The following SLC18A1 variants were observed in gnomAD, a reference collection of about 807,000 sequenced individuals.
The protein encoded by SLC18A1 is chromaffin granule amine transporter.
SLC18A1 carries 69 observed loss-of-function variants against 53.7 expected under a neutral mutation model. The ratio of observed to expected loss-of-function variants is 1.28; its 90% confidence interval spans 1.06 to 1.57. The LOEUF is 1.57. Ranked by LOEUF, SLC18A1 falls within the 40% of genes most tolerant of loss-of-function variation. The probability of loss-of-function intolerance (pLI) is 0.00; values close to 1 mark genes in which losing one functional copy is unlikely to be tolerated. For synonymous variants in SLC18A1, 320 were observed against 248.1 expected (o/e 1.29, Z -2.72); for missense variants, 932 against 668.1 (o/e 1.40, Z -4.35).
intron 4 of SLC18A1, 40 bp downstream of exon 4, chr8:20,178,395 T>TA: frequency 6.6e-7 from 1 of 1,516,414 alleles, no homozygotes; most frequent in Non-Finnish European, 9.1e-7. Flanking sequence ...AAATCAAAGG[T>TA]AATCAGTGAA....
intron 10 of SLC18A1, among the ~76,000 whole-genome samples, chr8:20,159,196 C>T (rs553515604): frequency 1.3e-5 from 2 of 152,264 alleles, no homozygotes; most frequent in South Asian, 2.1e-4. Context: ...TCTCAAGGAA[C>T]TTTCAACTGC....
chr8:20,165,084 A>G lies in SLC18A1; in HGVS notation c.882T>C (p.Phe294=). The change falls in exon 9 of 16, where the codon TTT becomes TTC. Residue 294 remains phenylalanine, a synonymous_variant. Coordinates refer to ENST00000276373, the MANE Select transcript of SLC18A1 (RefSeq NM_003053.4). ...SPESAKGTPL[F]MLLKDPYILV... Reference sequence around the variant, plus strand: ...GGATGTAAGGGTCTTTGAGAAGCATAAAGAGGGGAGTCCCCTTGGCACTCT... The same window carrying G: ...GGATGTAAGGGTCTTTGAGAAGCATGAAGAGGGGAGTCCCCTTGGCACTCT... The G allele has an allele frequency of 6.2e-7, 1 of 1,614,200 alleles. No individual in the cohort carries two copies. Among genetic ancestry groups the G allele is most frequent in the Non-Finnish European group, 8.5e-7 (1 of 1,180,020 alleles).
chr8:20,161,294 G>T (rs2071824156), intron 10 of SLC18A1, among the ~76,000 whole-genome samples: 1 of 152,002 alleles, frequency 6.6e-6, no homozygotes, highest in Non-Finnish European at 1.5e-5. Context: ...TTGGCCCTTT[G>T]TATTTGCAGG....
intron 8 of SLC18A1, among the ~76,000 whole-genome samples, chr8:20,166,451 A>C (rs529327292): frequency 3.3e-5 from 5 of 151,276 alleles, no homozygotes; most frequent in African/African-American, 4.9e-5. Context: ...GCTGCCTTTC[A>C]TATAATAGAA....
chr8:20,174,346 A>G lies in SLC18A1; in HGVS notation c.631+15T>C, dbSNP rs528026286. On this transcript the variant is annotated intron_variant, in intron 5 of 15. Coordinates refer to ENST00000276373, the MANE Select transcript of SLC18A1 (RefSeq NM_003053.4). ...TGCCTGCATGTGTGTGTGCATGATG[A>G]GTTGCCAGTGTTACCTGCAACAGAT... 1 of 1,581,490 alleles carries G rather than the reference A, an allele frequency of 6.3e-7. No individual in the cohort carries two copies. Among genetic ancestry groups the G allele is most frequent in the South Asian group, 1.1e-5 (1 of 90,406 alleles).
At chr8:20,156,198 T>C (rs1446156350) in intron 10 of SLC18A1, among the ~76,000 whole-genome samples, 1 of 147,862 alleles carries the variant, frequency 6.8e-6, no homozygotes, top group Non-Finnish European at 1.5e-5. Context: ...AGTAGAAAAA[T>C]AACTTTTAGA....
At chr8:20,149,777 C>T (rs768530441) in intron 11 of SLC18A1, 50 bp from the exon 12 acceptor site, 2 of 1,529,554 alleles carry the variant, frequency 1.3e-6, no homozygotes, top group South Asian at 2.2e-5. Flanking sequence ...AGCTCCCCTC[C>T]ACCTGTACCC....
intron 3 of SLC18A1, among the ~76,000 whole-genome samples, 176 bp downstream of exon 3, chr8:20,178,945 A>G (rs1423020652): frequency 1.3e-5 from 2 of 152,224 alleles, no homozygotes; most frequent in African/African-American, 2.4e-5. Flanking sequence ...ATCTGATCCC[A>G]TAACATTTCA....
At chr8:20,167,486 G>T (rs564664592) in intron 8 of SLC18A1, among the ~76,000 whole-genome samples, 1 of 152,088 alleles carries the variant, frequency 6.6e-6, no homozygotes, top group South Asian at 2.1e-4. Flanking sequence ...GAAAAATCCC[G>T]TGGAGTTGGG....
chr8:20,149,507 T>C (rs751328584), intron 12 of SLC18A1, among the ~76,000 whole-genome samples, 169 bp downstream of exon 12: 78 of 152,088 alleles, frequency 5.1e-4, no homozygotes, highest in Non-Finnish European at 9.7e-4. Flanking sequence ...ACAGTCTTTC[T>C]GACAGTCCTT....
chr8:20,153,954 G>T (rs1428225814), intron 10 of SLC18A1, among the ~76,000 whole-genome samples: 1 of 152,096 alleles, frequency 6.6e-6, no homozygotes, highest in Non-Finnish European at 1.5e-5. Context: ...AGGTGTTTGG[G>T]TCATGGGAAT....
chr8:20,163,478 G>A (rs1396008732), intron 10 of SLC18A1, among the ~76,000 whole-genome samples: 4 of 152,166 alleles, frequency 2.6e-5, no homozygotes, highest in African/African-American at 9.6e-5. Context: ...TCCTCCCCTT[G>A]GTGATGCTAC....
rs75156232 is a variant in SLC18A1 at position 20,168,374 on chromosome 8, A to T, written c.858+2729T>A. Among the ~76,000 whole-genome samples the T allele has an allele frequency of 2.6e-3, 391 of 151,328 alleles. 8 individuals carry two copies. Among genetic ancestry groups the T allele is most frequent in the African/African-American group, 9.2e-3 (381 of 41,380 alleles). On this transcript the variant is annotated intron_variant, in intron 8 of 15. Transcript: ENST00000276373. ...AGAAAGAGGCCCTGTCTCCAAAAAA[A>T]AATTAAACAAGTAAATAGAGTGATG...
At chr8:20,152,377 C>G (rs551305934) in intron 10 of SLC18A1, among the ~76,000 whole-genome samples, 4 of 152,222 alleles carry the variant, frequency 2.6e-5, no homozygotes, top group African/African-American at 7.2e-5. Context: ...GGAAGTCAGA[C>G]TATTTGCAGA....
In SLC18A1 at chr8:20,170,750, T is replaced by A. The variant is rs146714388; in HGVS notation, c.858+353A>T. 5.6e-3 allele frequency among the ~76,000 whole-genome samples: 835 copies of A among 150,098 alleles called. 13 individuals are homozygous for A. Among genetic ancestry groups the A allele is most frequent in the African/African-American group, 0.02 (808 of 41,318 alleles). On this transcript the variant is annotated intron_variant, in intron 8 of 15. Coordinates refer to ENST00000276373, the MANE Select transcript of SLC18A1 (RefSeq NM_003053.4). ...TCATTATCTCCTAGCTATAATTACATGTGTGTGTGCACATATATATATATA... is the reference window on the plus strand; with the variant it reads ...TCATTATCTCCTAGCTATAATTACAAGTGTGTGTGCACATATATATATATA...
intron 12 of SLC18A1, 98 bp from the exon 13 acceptor site, chr8:20,148,168 C>T (rs1246858960): frequency 4.0e-6 from 4 of 992,446 alleles, no homozygotes; most frequent in Middle Eastern, 2.3e-4. Context: ...ATTCAGAGTG[C>T]ACTATTGGCC....
chr8:20,172,955 A>G (rs780361231), intron 6 of SLC18A1, 81 bp downstream of exon 6: 167 of 975,416 alleles, frequency 1.7e-4, no homozygotes, highest in Non-Finnish European at 2.6e-4. Context: ...GAAGGAAAAT[A>G]CTCGTCTTCT....
intron 2 of SLC18A1, among the ~76,000 whole-genome samples, chr8:20,180,628 T>C (rs67679930): frequency 0.28 from 42,710 of 152,044 alleles, 6,749 homozygotes; most frequent in Non-Finnish European, 0.36. Flanking sequence ...GACCTCCTGC[T>C]CTTTGAACCT....
intron 8 of SLC18A1, among the ~76,000 whole-genome samples, chr8:20,168,760 G>C (rs2072037386): frequency 6.6e-6 from 1 of 152,194 alleles, no homozygotes; most frequent in South Asian, 2.1e-4. Flanking sequence ...AGCAGAGACA[G>C]GGTTTTGCCA....
Sources: gnomAD v4.1 joint callset for allele counts (sites outside exome capture counted in the v4.1 genomes callset) on GRCh38, gnomAD v4.1.1 for gene constraint, MANE v1.5 for transcripts, NCBI Gene and HGNC (gene_info 2026-07-23, HGNC 2026-07-21) for gene names.